Variants in CYTH2 observed in about 807,000 individuals in gnomAD.
CYTH2 encodes the protein cytohesin-2.
Under a neutral mutation model 55.4 loss-of-function variants are expected in CYTH2, and 24 were observed. That is an observed-to-expected ratio of 0.43 (90% confidence interval 0.31 to 0.61). The LOEUF (loss-of-function observed/expected upper bound fraction) is 0.61, where lower values mean the gene tolerates loss of function less well. CYTH2 is among the 20% of genes least tolerant of loss of function. The pLI, the probability that CYTH2 is intolerant of heterozygous loss-of-function variation, is 0.08. For missense variants in CYTH2, 378 were observed against 533.5 expected, an observed-to-expected ratio of 0.71 and a Z score of 2.87; for synonymous variants, 221 against 209.6, an observed-to-expected ratio of 1.05 and a Z score of -0.47.
At chr19:48,473,058 C>T (rs2147505868) in intron 4 of CYTH2, 1 of 507,914 alleles carries the variant, frequency 2.0e-6, no homozygotes, top group African/African-American at 1.9e-5. Context: ...GCATTTCTCC[C>T]AACTGTACAA....
rs76241717 is a variant in CYTH2, at chr19:48,473,541, C to T, written c.434+163C>T. ...GCACCATAAAAGTTCAGGGTTATGGCCTCCTTCAGGTATGGCTATATCCAG... is the reference window on the plus strand; with the variant it reads ...GCACCATAAAAGTTCAGGGTTATGGTCTCCTTCAGGTATGGCTATATCCAG... On this transcript the variant is annotated intron_variant, in intron 5 of 11. Coordinates refer to ENST00000452733, the MANE Select transcript of CYTH2 (RefSeq NM_004228.7). The T allele has an allele frequency of 5.7e-3, 3,935 of 689,816 alleles. 201 individuals are homozygous for T. The East Asian group carries it at 0.081, about 14-fold the overall frequency. 42.7% of individuals were successfully genotyped at this position (689,816 alleles called of 1,614,324 possible).
chr19:48,475,761 C>A (rs949442555), intron 8 of CYTH2: 9 of 205,830 alleles, frequency 4.4e-5, no homozygotes, highest in African/African-American at 7.1e-5. Flanking sequence ...GCAGAAGGGC[C>A]ATCAGTCATC....
Position 48,479,954 on chromosome 19 carries a change from G to C in CYTH2, c.*744G>C, listed in dbSNP as rs935973753. 7.2e-5 allele frequency: 11 copies of C among 152,458 alleles called. No individual in the cohort carries two copies. The highest frequency in any genetic ancestry group is 2.7e-4 in the African/African-American group (11 of 41,474). 9.4% of individuals were successfully genotyped at this position (152,458 alleles called of 1,614,324 possible). On this transcript the variant is annotated 3_prime_UTR_variant, in exon 12 of 12. Coordinates refer to ENST00000452733, the MANE Select transcript of CYTH2 (RefSeq NM_004228.7). ...GGACTGTGGGCCAGTGCCAGAGCCAGGCTTGTCTGTTCTCAAAGGATCAGC... is the reference window on the plus strand; with the variant it reads ...GGACTGTGGGCCAGTGCCAGAGCCACGCTTGTCTGTTCTCAAAGGATCAGC...
At chr19:48,476,673 T>G (rs1230721680) in intron 8 of CYTH2, 1 of 151,890 alleles carries the variant, frequency 6.6e-6, no homozygotes, top group Non-Finnish European at 1.5e-5. Flanking sequence ...GTCAGGAGTT[T>G]GAGACCAGCC....
At chr19:48,475,800 A>G (rs1195603697) in intron 8 of CYTH2, 3 of 223,848 alleles carry the variant, frequency 1.3e-5, no homozygotes, top group Non-Finnish European at 2.8e-5. Flanking sequence ...CTCCCAATGC[A>G]TAGTCAAGGT....
Position 48,474,257 on chromosome 19 carries a change from C to T in CYTH2, c.623C>T (p.Pro208Leu), listed in dbSNP as rs773229556. Reference protein sequence around the residue: ...SLHNPNVRDKPGLERFVAMNR... With the variant: ...SLHNPNVRDKLGLERFVAMNR... ...CACAATCCCAATGTCCGGGACAAGCCGGGCCTGGAGCGCTTTGTGGCCATG... is the reference window on the plus strand; with the variant it reads ...CACAATCCCAATGTCCGGGACAAGCTGGGCCTGGAGCGCTTTGTGGCCATG... Residue 208 changes from proline (P) to leucine (L), a missense_variant, in exon 7 of 12, where the codon CCG becomes CTG. Physicochemically the swap from Pro to Leu is moderately conservative, Grantham distance 98. Transcript: ENST00000452733. The surrounding 1 kb of genome is among the most constrained non-coding windows in gnomAD (Gnocchi z 4.9). 21 of 1,613,546 alleles carry T rather than the reference C, an allele frequency of 1.3e-5. No individual in the cohort carries two copies. Among genetic ancestry groups the T allele is most frequent in the South Asian group, 6.6e-5 (6 of 91,050 alleles).
intron 8 of CYTH2, chr19:48,477,483 G>A (rs1971938837): frequency 1.3e-5 from 2 of 155,228 alleles, no homozygotes; most frequent in Non-Finnish European, 2.9e-5. Context: ...CTGGGAGGGA[G>A]GAGCCCCGGC....
Position 48,480,750 on chromosome 19 carries a change from G to A in CYTH2, c.*1540G>A, listed in dbSNP as rs1972032566. The A allele has an allele frequency of 6.6e-6, 1 of 152,260 alleles. No homozygotes were observed. Among genetic ancestry groups the A allele is most frequent in the South Asian group, 2.1e-4 (1 of 4,838 alleles). 9.4% of individuals were successfully genotyped at this position (152,260 alleles called of 1,614,324 possible). On this transcript the variant is annotated 3_prime_UTR_variant, in exon 12 of 12. Coordinates refer to ENST00000452733, the MANE Select transcript of CYTH2 (RefSeq NM_004228.7). ...AATTCCCCACTTCTCTTTCCCACAG[G>A]TGCCAGGGAAACGGAGTCATCGACC...
chr19:48,471,908 T>C (rs946438349), intron 3 of CYTH2, among the ~76,000 whole-genome samples: 6 of 152,050 alleles, frequency 3.9e-5, no homozygotes, highest in African/African-American at 4.8e-5. Context: ...ATAAATAAAT[T>C]AGCCAGGTGT....
chr19:48,473,317 G>A lies in CYTH2; in HGVS notation c.373G>A (p.Val125Met). The A allele has an allele frequency of 6.2e-7, 1 of 1,614,102 alleles. No homozygotes were observed. The highest frequency in any genetic ancestry group is 1.3e-5 in the African/African-American group (1 of 75,020). Residue 125 changes from valine (V) to methionine (M), a missense_variant, in exon 5 of 12, where the codon GTG becomes ATG. Transcript: ENST00000452733. ...TTCCAGGGAAGAACTGAACCTGGCA[G>A]TGCTCCATGCTTTTGTGGATCTGCA... ...LGEREELNLAVLHAFVDLHEF... is the reference protein window; with the variant it reads ...LGEREELNLAMLHAFVDLHEF...
Position 48,479,632 on chromosome 19 carries a change from A to G in CYTH2, c.*422A>G, listed in dbSNP as rs1972011777. 1.0e-5 allele frequency: 2 copies of G among 191,032 alleles called. No individual in the cohort carries two copies. The highest frequency in any genetic ancestry group is 2.2e-5 in the Non-Finnish European group (2 of 90,054). 11.8% of individuals were successfully genotyped at this position (191,032 alleles called of 1,614,324 possible). A position where few individuals can be genotyped will look rare whatever the true frequency, so the allele number is the denominator to read the frequency against. Reference sequence around the variant, plus strand: ...TTTAGAATGCAGGGATTCAGGGTCAAGGTCTAGCATTCATTCTAGAAGTTA... The same window carrying G: ...TTTAGAATGCAGGGATTCAGGGTCAGGGTCTAGCATTCATTCTAGAAGTTA... On this transcript the variant is annotated 3_prime_UTR_variant, in exon 12 of 12. Coordinates refer to ENST00000452733, the MANE Select transcript of CYTH2 (RefSeq NM_004228.7).
At position 48,480,270 on chromosome 19, in the gene CYTH2, C is replaced by T. The variant is rs971194302; in HGVS notation, c.*1060C>T. 4 of 152,220 alleles carry T rather than the reference C, an allele frequency of 2.6e-5. No homozygotes were observed. Among genetic ancestry groups the T allele is most frequent in the African/African-American group, 9.6e-5 (4 of 41,460 alleles). 9.4% of individuals were successfully genotyped at this position (152,220 alleles called of 1,614,324 possible). A position where few individuals can be genotyped will look rare whatever the true frequency, so the allele number is the denominator to read the frequency against. On this transcript the variant is annotated 3_prime_UTR_variant, in exon 12 of 12. Transcript: ENST00000452733. ...CATGCCCGCCTTTGAAGCTGAGGCG[C>T]TCTTTAGTTAACAAACTACAAGTCC... is the stretch of plus-strand genomic sequence containing the variant.
At chr19:48,469,876 G>C (rs931555097) in intron 1 of CYTH2, 5 of 560,296 alleles carry the variant, frequency 8.9e-6, no homozygotes, top group East Asian at 4.1e-5. Flanking sequence ...AGAAATCTTG[G>C]GGGGCGGGGG....
In CYTH2 at chr19:48,478,043, GC is replaced by G. The variant is rs754514933; in HGVS notation, c.809-21del. The G allele has an allele frequency of 4.4e-6, 7 of 1,607,712 alleles. No individual in the cohort carries two copies. In the South Asian group the frequency reaches 6.6e-5, roughly 15 times the overall value. The stretch of plus-strand genomic sequence containing the variant: ...GGCCCTGTCCCCCTGTTGAGCCCAG[GC>G]CCCCTCCCACCCCTTCCCTTTCAGG... On this transcript the variant is annotated intron_variant, in intron 8 of 11. Transcript: ENST00000452733.
intron 5 of CYTH2, 53 bp downstream of exon 5, chr19:48,473,431 C>T (rs1971844326): frequency 6.4e-7 from 1 of 1,570,976 alleles, no homozygotes. Context: ...TCAGGGCCTT[C>T]CTAGTTACAA....
Position 48,478,463 on chromosome 19 carries a change from A to G in CYTH2, c.983A>G (p.Asn328Ser). ...KPNCFELYIPNNKGQLIKACK... is the reference protein window; with the variant it reads ...KPNCFELYIPSNKGQLIKACK... ...AACTGCTTTGAACTTTACATCCCCA[A>G]CAACAAGGGGCAGCTCATCAAAGCC... Residue 328 changes from asparagine to serine, a missense_variant, in exon 11 of 12, where the codon AAC (asparagine) becomes AGC (serine). Transcript: ENST00000452733. 1 of 1,614,052 alleles carries G rather than the reference A, an allele frequency of 6.2e-7. No individual in the cohort carries two copies. The highest frequency in any genetic ancestry group is 8.5e-7 in the Non-Finnish European group (1 of 1,179,980).
At chr19:48,469,634 T>C (rs1971741935) in intron 1 of CYTH2, 108 bp downstream of exon 1, 1 of 1,342,542 alleles carries the variant, frequency 7.4e-7, no homozygotes, top group Non-Finnish European at 9.7e-7. Context: ...AGCGTTCGGC[T>C]CAGTCGTAGA....
At chr19:48,478,741 G>A (rs1450500114) in intron 11 of CYTH2, 149 bp downstream of exon 11, 2 of 974,104 alleles carry the variant, frequency 2.1e-6, no homozygotes, top group East Asian at 5.4e-5. Flanking sequence ...AGGGGCTGGG[G>A]CCTGGACTCC....
At chr19:48,470,568 C>A in intron 2 of CYTH2, 35 bp from the exon 3 acceptor site, 1 of 1,614,154 alleles carries the variant, frequency 6.2e-7, no homozygotes, top group Non-Finnish European at 8.5e-7. Flanking sequence ...CAGGCATTGA[C>A]CCTCCACCCC....
Sources: gnomAD v4.1 joint callset for allele counts (sites outside exome capture counted in the v4.1 genomes callset) on GRCh38, gnomAD v4.1.1 for gene constraint, Gnocchi (gnomAD v3.1) non-coding constraint, MANE v1.5 for transcripts, NCBI Gene and HGNC (gene_info 2026-07-23, HGNC 2026-07-21) for gene names.